EYS: variants seen among roughly 807,000 people sequenced by gnomAD.
The protein encoded by EYS is EGF-like photoreceptor maintenance factor, also known as protein eyes shut homolog.
Under a neutral mutation model 282.1 loss-of-function variants are expected in EYS, and 250 were observed. The ratio of observed to expected loss-of-function variants is 0.89; its 90% CI spans 0.80 to 0.98. EYS has a LOEUF of 0.98. Among genes scored for constraint, EYS ranks in the 50% least tolerant of loss-of-function variants. EYS has a pLI of 0.00. For missense variants in EYS, 4,016 were observed against 3,709.0 expected (o/e 1.08, Z -2.15); for synonymous variants, 1,355 against 1,282.9 (o/e 1.06, Z -1.20).
intron 35 of EYS, among the ~76,000 whole-genome samples, chr6:63,954,404 G>T (rs946057858): frequency 4.6e-5 from 7 of 152,118 alleles, no homozygotes; most frequent in Non-Finnish European, 1.0e-4. Flanking sequence ...AAGGGACGAG[G>T]CATCAATATT....
intron 19 of EYS, among the ~76,000 whole-genome samples, chr6:64,829,939 T>C (rs1006933355): frequency 6.6e-5 from 10 of 151,928 alleles, no homozygotes; most frequent in Non-Finnish European, 1.3e-4. Flanking sequence ...GAATCCCTTT[T>C]TGAAATGTAT....
chr6:65,457,955 A>G (rs1764688501), intron 5 of EYS, among the ~76,000 whole-genome samples: 1 of 152,102 alleles, frequency 6.6e-6, no homozygotes, highest in South Asian at 2.1e-4. Context: ...CCTCAAACCT[A>G]TATTACCTTC....
chr6:64,168,067 C>T (rs1764351259), intron 31 of EYS, among the ~76,000 whole-genome samples: 1 of 152,134 alleles, frequency 6.6e-6, no homozygotes, highest in Non-Finnish European at 1.5e-5. Flanking sequence ...TCGAGACCAT[C>T]CTGGCTAACA....
At chr6:64,980,019 T>C (rs544745439) in intron 14 of EYS, among the ~76,000 whole-genome samples, 1 of 151,688 alleles carries the variant, frequency 6.6e-6, no homozygotes, top group Admixed American at 6.6e-5. Context: ...TGGTGTATAA[T>C]AGAATCTCCT....
At chr6:63,785,122 G>A (rs1770329638) in intron 39 of EYS, among the ~76,000 whole-genome samples, 1 of 152,160 alleles carries the variant, frequency 6.6e-6, no homozygotes, top group Non-Finnish European at 1.5e-5. Flanking sequence ...ATTCAAACAA[G>A]TATTAGAGGG....
chr6:65,606,638 T>C (rs555336795), intron 2 of EYS, among the ~76,000 whole-genome samples: 1 of 151,930 alleles, frequency 6.6e-6, no homozygotes, highest in Admixed American at 6.6e-5. Context: ...ACTGAAATTC[T>C]ATAACAAATA....
At chr6:65,322,351 G>A (rs1310213574) in intron 11 of EYS, among the ~76,000 whole-genome samples, 2 of 152,178 alleles carry the variant, frequency 1.3e-5, no homozygotes, top group Non-Finnish European at 2.9e-5. Flanking sequence ...GGTCTCAGGA[G>A]TTTTGGGAAG....
chr6:65,626,836 T>G (rs564414364), intron 2 of EYS, among the ~76,000 whole-genome samples: 1 of 152,092 alleles, frequency 6.6e-6, no homozygotes, highest in Admixed American at 6.5e-5. Flanking sequence ...CAGTGTTTTA[T>G]GTATTGTATG....
chr6:64,828,061 GA>G lies in EYS; in HGVS notation c.2993-5240del, dbSNP rs1247538997. On this transcript the variant is annotated intron_variant, in intron 19 of 42. Coordinates refer to ENST00000503581, the MANE Select transcript of EYS (RefSeq NM_001142800.2). ...ACTGAATCTATGAGGAATATCAAAA[GA>G]GATGGAAACTATAAAAATATTCAAA... 1.2e-4 allele frequency among the ~76,000 whole-genome samples: 18 copies of G among 151,986 alleles called. 1 individual carries two copies. Among genetic ancestry groups the G allele is most frequent in the African/African-American group, 4.3e-4 (18 of 41,546 alleles).
At chr6:65,143,883 CA>C (rs1364766212) in intron 12 of EYS, among the ~76,000 whole-genome samples, 2 of 152,084 alleles carry the variant, frequency 1.3e-5, no homozygotes, top group Non-Finnish European at 2.9e-5. Context: ...ATCAGCAAAG[CA>C]ATTCACAACT....
At chr6:63,997,907 A>T (rs1199583724) in intron 34 of EYS, among the ~76,000 whole-genome samples, 2 of 152,330 alleles carry the variant, frequency 1.3e-5, no homozygotes, top group South Asian at 4.1e-4. Context: ...ATGTAGTCAT[A>T]CTGAATGCTT....
chr6:65,192,406 C>A (rs1032682797), intron 12 of EYS, among the ~76,000 whole-genome samples: 1 of 150,204 alleles, frequency 6.7e-6, no homozygotes, highest in Non-Finnish European at 1.5e-5. Flanking sequence ...AATTTTATAT[C>A]TTTTTCAAGA....
At chr6:65,664,839 T>C (rs1768144883) in intron 1 of EYS, among the ~76,000 whole-genome samples, 1 of 152,212 alleles carries the variant, frequency 6.6e-6, no homozygotes, top group Admixed American at 6.5e-5. Flanking sequence ...TCACCATATT[T>C]ACTAGGCAAA....
intron 14 of EYS, among the ~76,000 whole-genome samples, chr6:64,975,630 A>G (rs1299587036): frequency 6.6e-6 from 1 of 151,830 alleles, no homozygotes; most frequent in African/African-American, 2.4e-5. Flanking sequence ...GCTAAAATAG[A>G]TATCCCATAT....
At chr6:64,058,776 C>T (rs1227508752) in intron 33 of EYS, among the ~76,000 whole-genome samples, 1 of 152,150 alleles carries the variant, frequency 6.6e-6, no homozygotes, top group Non-Finnish European at 1.5e-5. Flanking sequence ...GTAAACTATA[C>T]ACATTTTAGA....
At chr6:64,337,499 AC>A (rs1244563443) in intron 29 of EYS, among the ~76,000 whole-genome samples, 1 of 152,026 alleles carries the variant, frequency 6.6e-6, no homozygotes, top group Non-Finnish European at 1.5e-5. Context: ...AAAATTACCA[AC>A]AAAAAAATTC....
chr6:65,087,758 G>GTGATT (rs1436082672), intron 12 of EYS, among the ~76,000 whole-genome samples: 1 of 152,168 alleles, frequency 6.6e-6, no homozygotes, highest in African/African-American at 2.4e-5. Context: ...GCTTCCATTT[G>GTGATT]TGATTTTCTG....
intron 2 of EYS, among the ~76,000 whole-genome samples, chr6:65,536,768 C>G (rs1005951334): frequency 3.9e-5 from 6 of 151,994 alleles, no homozygotes; most frequent in Non-Finnish European, 7.4e-5. Context: ...GCATGCACAA[C>G]CCTTTGGGGA....
chr6:65,396,764 T>C (rs1370478340), intron 7 of EYS, among the ~76,000 whole-genome samples: 1 of 152,054 alleles, frequency 6.6e-6, no homozygotes, highest in Admixed American at 6.6e-5. Flanking sequence ...TTAGACATTT[T>C]TGCTTATTTC....
Sources: gnomAD v4.1 joint callset for allele counts (sites outside exome capture counted in the v4.1 genomes callset) on GRCh38, gnomAD v4.1.1 for gene constraint, MANE v1.5 for transcripts, NCBI Gene and HGNC (gene_info 2026-07-23, HGNC 2026-07-21) for gene names.